PAX2: variants seen among roughly 807,000 people sequenced by gnomAD.
PAX2 encodes the protein paired box protein Pax-2.
PAX2 carries 9 observed loss-of-function variants against 41.7 expected under a neutral mutation model. The ratio of observed to expected loss-of-function variants is 0.22; its 90% CI spans 0.13 to 0.38. The LOEUF (loss-of-function observed/expected upper bound fraction) is 0.38, where lower values mean the gene tolerates loss of function less well. Among genes scored for constraint, PAX2 ranks in the 10% least tolerant of loss-of-function variants. PAX2 has a pLI of 1.00. For missense variants in PAX2, 418 were observed against 531.6 expected (o/e 0.79, Z 2.10); for synonymous variants, 221 against 212.7 (o/e 1.04, Z -0.34).
chr10:100,774,653 A>G (rs1846322183), intron 3 of PAX2, among the ~76,000 whole-genome samples: 1 of 152,190 alleles, frequency 6.6e-6, no homozygotes, highest in African/African-American at 2.4e-5. Flanking sequence ...CATTGTTATT[A>G]TAGGTAGCAT....
chr10:100,804,100 T>C (rs1564735559), intron 5 of PAX2, among the ~76,000 whole-genome samples: 1 of 152,074 alleles, frequency 6.6e-6, no homozygotes, highest in Non-Finnish European at 1.5e-5. Context: ...AGGCAATCAA[T>C]AGGGGCAGCA....
intron 5 of PAX2, among the ~76,000 whole-genome samples, chr10:100,804,368 C>G (rs932537080): frequency 6.6e-6 from 1 of 151,976 alleles, no homozygotes; most frequent in African/African-American, 2.4e-5. Context: ...GAGAGTCCTG[C>G]CACACATGCA....
intron 3 of PAX2, among the ~76,000 whole-genome samples, chr10:100,774,198 G>A (rs2863046): frequency 0.15 from 23,305 of 152,258 alleles, 2,296 homozygotes; most frequent in Middle Eastern, 0.3. Flanking sequence ...GTGTTAATAG[G>A]AGTTTCATGC....
chr10:100,749,666 C>G, intron 1 of PAX2, 80 bp from the exon 2 acceptor site: 1 of 1,546,810 alleles, frequency 6.5e-7, no homozygotes, highest in Non-Finnish European at 8.7e-7. Flanking sequence ...TTCCTTCGCC[C>G]GTCCCGGGCC....
intron 5 of PAX2, among the ~76,000 whole-genome samples, chr10:100,784,132 A>C (rs1056043814): frequency 6.6e-6 from 1 of 152,138 alleles, no homozygotes; most frequent in Non-Finnish European, 1.5e-5. Flanking sequence ...AGCCAGGCCC[A>C]GTTTGCATTA....
chr10:100,784,350 G>A (rs182651097), intron 5 of PAX2, among the ~76,000 whole-genome samples: 2 of 152,316 alleles, frequency 1.3e-5, no homozygotes, highest in East Asian at 3.9e-4. Flanking sequence ...GGGACTAAGG[G>A]GTGTTGGGAT....
chr10:100,806,231 T>C (rs1303987784), intron 5 of PAX2, among the ~76,000 whole-genome samples, 199 bp from the exon 6 acceptor site: 1 of 152,216 alleles, frequency 6.6e-6, no homozygotes, highest in Non-Finnish European at 1.5e-5. Flanking sequence ...CTTCTCTTCC[T>C]TGGGCTTCCT....
At chr10:100,738,792 T>G (rs1844853981) in intron 1 of PAX2, among the ~76,000 whole-genome samples, 1 of 152,164 alleles carries the variant, frequency 6.6e-6, no homozygotes, top group Non-Finnish European at 1.5e-5. Flanking sequence ...AGGTGACGCT[T>G]GAGATGCAAG....
chr10:100,781,981 A>G (rs1846648991), intron 5 of PAX2, among the ~76,000 whole-genome samples: 2 of 152,118 alleles, frequency 1.3e-5, no homozygotes, highest in South Asian at 4.1e-4. Context: ...GGGAAGGAAG[A>G]GGAGGAGGAG....
At chr10:100,771,873 T>C (rs1846223735) in intron 3 of PAX2, among the ~76,000 whole-genome samples, 1 of 152,120 alleles carries the variant, frequency 6.6e-6, no homozygotes, top group Non-Finnish European at 1.5e-5. Flanking sequence ...AGTGGCGCGA[T>C]CTCTGCTCAC....
intron 6 of PAX2, among the ~76,000 whole-genome samples, chr10:100,807,462 G>A (rs1847833173): frequency 6.7e-6 from 1 of 148,880 alleles, no homozygotes; most frequent in South Asian, 2.1e-4. Context: ...CACAGCCCAC[G>A]GTACTGTGCT....
chr10:100,826,921 A>C lies in PAX2; in HGVS notation c.1022-88A>C. ...ACACCTGCGCCTGAGACCCGGCGGG[A>C]GGAGCGGGCGGAGAAGCCACCGGCC... On this transcript the variant is annotated intron_variant, in intron 8 of 9. Transcript: ENST00000355243. This position sits in a 1 kb window ranked among gnomAD's most constrained non-coding sequence, Gnocchi z 5.5. The C allele has an allele frequency of 1.1e-6, 1 of 878,352 alleles. No individual in the cohort carries two copies. Among genetic ancestry groups the C allele is most frequent in the East Asian group, 2.5e-5 (1 of 39,324 alleles). The allele number at this position is 878,352 out of a possible 1,614,324, so 54.4% of individuals were successfully genotyped here. A position where few individuals can be genotyped will look rare whatever the true frequency, so the allele number is the denominator to read the frequency against.
chr10:100,745,968 C>G lies in PAX2; in HGVS notation c.-293C>G, dbSNP rs1443323022. On this transcript the variant is annotated 5_prime_UTR_variant, in exon 1 of 10. Coordinates refer to ENST00000355243, the MANE Select transcript of PAX2 (RefSeq NM_000278.5). Reference sequence around the variant, plus strand: ...CAGCTGCAGCGCGAGCCATGCGCCCCCAGTGCACCCCGGCCCGGCCCACCG... The same window carrying G: ...CAGCTGCAGCGCGAGCCATGCGCCCGCAGTGCACCCCGGCCCGGCCCACCG... 6 of 1,315,952 alleles carry G rather than the reference C, an allele frequency of 4.6e-6. No homozygotes were observed. Among genetic ancestry groups the G allele is most frequent in the Non-Finnish European group, 5.8e-6 (6 of 1,035,570 alleles). The allele number at this position is 1,315,952 out of a possible 1,614,324, so 81.5% of individuals were successfully genotyped here.
intron 5 of PAX2, chr10:100,787,066 G>A: frequency 9.6e-7 from 1 of 1,043,582 alleles, no homozygotes; most frequent in Non-Finnish European, 1.4e-6. Context: ...GCTTGGGGGT[G>A]GCGGTTAGAG....
At chr10:100,743,092 A>G (rs960325214), upstream of PAX2, among the ~76,000 whole-genome samples, 1 of 151,656 alleles carries the variant, frequency 6.6e-6, no homozygotes, top group African/African-American at 2.4e-5. Flanking sequence ...GCTGGAGCTA[A>G]TGGGGAAGCG....
At chr10:100,764,165 A>G (rs1331932230) in intron 3 of PAX2, among the ~76,000 whole-genome samples, 2 of 128,440 alleles carry the variant, frequency 1.6e-5, no homozygotes, top group Non-Finnish European at 3.2e-5. Flanking sequence ...TTTTTTTGAG[A>G]AAGAGTCTCG....
At chr10:100,735,927 C>T (rs1017117470) in intron 1 of PAX2, among the ~76,000 whole-genome samples, 2 of 152,244 alleles carry the variant, frequency 1.3e-5, no homozygotes, top group South Asian at 4.1e-4. Context: ...TCCTCTAAAC[C>T]TTCTGAAAAC....
chr10:100,768,979 C>T (rs1044904039), intron 3 of PAX2, among the ~76,000 whole-genome samples: 6 of 152,146 alleles, frequency 3.9e-5, no homozygotes, highest in African/African-American at 7.2e-5. Context: ...ATGAAATAAA[C>T]GATAGTTATT....
At chr10:100,805,253 T>TA (rs1205188036) in intron 5 of PAX2, among the ~76,000 whole-genome samples, 2 of 152,198 alleles carry the variant, frequency 1.3e-5, no homozygotes, top group Admixed American at 1.3e-4. Context: ...GGTGTTACTG[T>TA]ATATAATGCA....
Sources: gnomAD v4.1 joint callset for allele counts (sites outside exome capture counted in the v4.1 genomes callset) on GRCh38, gnomAD v4.1.1 for gene constraint, Gnocchi (gnomAD v3.1) non-coding constraint, MANE v1.5 for transcripts, NCBI Gene and HGNC (gene_info 2026-07-23, HGNC 2026-07-21) for gene names.